Variants in NRXN1 observed in about 807,000 individuals in gnomAD.
NRXN1 encodes the protein neurexin-1.
In NRXN1, 39 loss-of-function variants were observed where a neutral mutation model predicts 150.9. That is an observed-to-expected ratio of 0.26 (90% CI 0.20 to 0.34). The LOEUF is 0.34. Among genes scored for constraint, NRXN1 ranks in the 10% least tolerant of loss-of-function variants. The pLI, the probability that NRXN1 is intolerant of heterozygous loss-of-function variation, is 1.00. For missense variants in NRXN1, 1,815 were observed against 1,949.9 expected, an observed-to-expected ratio of 0.93 and a Z score of 1.30; for synonymous variants, 924 against 757.0, an observed-to-expected ratio of 1.22 and a Z score of -3.62.
chr2:50,987,247 TAA>T (rs1697864081), intron 2 of NRXN1, among the ~76,000 whole-genome samples: 1 of 151,960 alleles, frequency 6.6e-6, no homozygotes, highest in South Asian at 2.1e-4. Context: ...ATTTTCTATT[TAA>T]GTTAGTACAA....
In NRXN1 at chr2:50,245,752, T is replaced by TA. The variant is rs537075075; in HGVS notation, c.3365-8783dup. Among the ~76,000 whole-genome samples, 224 of 149,104 alleles carry TA rather than the reference T, an allele frequency of 1.5e-3. 1 individual carries two copies. The highest frequency in any genetic ancestry group is 4.9e-3 in the East Asian group (25 of 5,060). ...ATTATGGTCTAAAAAATGTCCAGTT[T>TA]AAAAAAAAAAATGACATAAACATAG... On this transcript the variant is annotated intron_variant, in intron 17 of 22. Coordinates refer to ENST00000401669, the MANE Select transcript of NRXN1 (RefSeq NM_001330078.2).
At chr2:50,546,089 C>T (rs2105307151) in intron 9 of NRXN1, among the ~76,000 whole-genome samples, 1 of 152,234 alleles carries the variant, frequency 6.6e-6, no homozygotes, top group Non-Finnish European at 1.5e-5. Context: ...CGACTGTATA[C>T]ATAACTGGTC....
chr2:50,192,805 T>A (rs2061531158), intron 18 of NRXN1, among the ~76,000 whole-genome samples: 1 of 152,198 alleles, frequency 6.6e-6, no homozygotes, highest in African/African-American at 2.4e-5. Flanking sequence ...AGACAAGGTT[T>A]CGCCATGTTG....
chr2:50,462,228 G>C (rs1209114622), intron 17 of NRXN1, among the ~76,000 whole-genome samples: 2 of 151,864 alleles, frequency 1.3e-5, no homozygotes, highest in African/African-American at 4.8e-5. Flanking sequence ...ATTCCTAGTA[G>C]AAGTATAGAG....
intron 18 of NRXN1, among the ~76,000 whole-genome samples, chr2:50,098,853 T>TGG (rs1558874797): frequency 2.0e-4 from 6 of 30,000 alleles, no homozygotes; most frequent in African/African-American, 8.1e-4. Context: ...TTTTTTTTTT[T>TGG]TTTTTTTTTT....
At chr2:50,396,302 A>G (rs1442075500) in intron 17 of NRXN1, among the ~76,000 whole-genome samples, 1 of 152,184 alleles carries the variant, frequency 6.6e-6, no homozygotes, top group Non-Finnish European at 1.5e-5. Flanking sequence ...CATTATTGTC[A>G]ATTTAACATG....
chr2:50,512,479 A>C (rs569724223), intron 12 of NRXN1, among the ~76,000 whole-genome samples: 28 of 152,338 alleles, frequency 1.8e-4, no homozygotes, highest in African/African-American at 6.7e-4. Flanking sequence ...TTATATTTGA[A>C]AGTACTGAAG....
intron 5 of NRXN1, chr2:50,917,517 T>C (rs1162215702): frequency 2.6e-5 from 4 of 151,662 alleles, no homozygotes; most frequent in East Asian, 1.9e-4. Context: ...CTTTCCAAAA[T>C]TGATAAACTG....
At chr2:50,709,170 A>T (rs1694817848) in intron 5 of NRXN1, among the ~76,000 whole-genome samples, 1 of 152,136 alleles carries the variant, frequency 6.6e-6, no homozygotes, top group African/African-American at 2.4e-5. Context: ...TTGTTGAGGA[A>T]TGAGCTTGGT....
rs562530105 is a variant in NRXN1, at chr2:50,513,489, C to G, written c.2375-6872G>C. Among the ~76,000 whole-genome samples the G allele has an allele frequency of 1.2e-4, 19 of 152,100 alleles. No homozygotes were observed. In the South Asian group the frequency reaches 3.1e-3, roughly 25 times the overall value. ...GTTATTTAATTCCTAAGCATTCACC[C>G]TGAATATAAAAATAAATGTAAAATA... On this transcript the variant is annotated intron_variant, in intron 12 of 22. Transcript: ENST00000401669.
intron 2 of NRXN1, among the ~76,000 whole-genome samples, chr2:50,934,754 G>C (rs1688268246): frequency 6.6e-6 from 1 of 152,142 alleles, no homozygotes; most frequent in African/African-American, 2.4e-5. Context: ...CATCTATTTA[G>C]AGCAGGGTTA....
chr2:50,194,060 A>T (rs76718315), intron 18 of NRXN1, among the ~76,000 whole-genome samples: 2,040 of 152,228 alleles, frequency 0.013, 44 homozygotes, highest in African/African-American at 0.046. Context: ...TGACTTGCCC[A>T]CCAATTTACT....
chr2:50,072,112 T>A (rs1696372119), intron 19 of NRXN1, among the ~76,000 whole-genome samples: 1 of 152,206 alleles, frequency 6.6e-6, no homozygotes, highest in Non-Finnish European at 1.5e-5. Context: ...AGGAACTACT[T>A]AACCTCTCAT....
At position 50,406,704 on chromosome 2, in the gene NRXN1, A is replaced by G. The variant is rs78054581; in HGVS notation, c.3364+58738T>C. On this transcript the variant is annotated intron_variant, in intron 17 of 22. Transcript: ENST00000401669. The stretch of plus-strand genomic sequence containing the variant: ...ACATTGGGTTAAGCATTTCCATTTA[A>G]TACAGAGAGAGACAGACAGAGTTTG... Among the ~76,000 whole-genome samples the G allele has an allele frequency of 6.2e-4, 95 of 152,256 alleles. No individual in the cohort carries two copies. In the East Asian group the frequency reaches 8.3e-3, roughly 13 times the overall value.
At chr2:50,753,050 G>C (rs1403945935) in intron 5 of NRXN1, among the ~76,000 whole-genome samples, 1 of 151,814 alleles carries the variant, frequency 6.6e-6, no homozygotes, top group African/African-American at 2.4e-5. Context: ...CATTTCATCT[G>C]AGGAAAAATG....
chr2:50,021,168 C>T (rs771562744), intron 21 of NRXN1, among the ~76,000 whole-genome samples: 1 of 152,164 alleles, frequency 6.6e-6, no homozygotes, highest in African/African-American at 2.4e-5. Context: ...TATACGTGAT[C>T]ATCTACTTAG....
chr2:50,477,061 T>C (rs2090050302), intron 15 of NRXN1, among the ~76,000 whole-genome samples: 1 of 152,114 alleles, frequency 6.6e-6, no homozygotes, highest in Non-Finnish European at 1.5e-5. Flanking sequence ...TGTAATGATA[T>C]AAATGTGGAT....
At chr2:50,919,539 C>T (rs998489557) in intron 5 of NRXN1, 8 of 151,486 alleles carry the variant, frequency 5.3e-5, no homozygotes, top group Admixed American at 4.6e-4. Context: ...AAACTTCATT[C>T]CAGATCCCCT....
chr2:50,516,528 G>A (rs1327610503), intron 12 of NRXN1, among the ~76,000 whole-genome samples: 1 of 152,142 alleles, frequency 6.6e-6, no homozygotes, highest in Non-Finnish European at 1.5e-5. Context: ...GGTCTCTGGG[G>A]TATCAGAGAA....
Sources: gnomAD v4.1 joint callset for allele counts (sites outside exome capture counted in the v4.1 genomes callset) on GRCh38, gnomAD v4.1.1 for gene constraint, MANE v1.5 for transcripts, NCBI Gene and HGNC (gene_info 2026-07-23, HGNC 2026-07-21) for gene names.